GRIK2: variants seen among roughly 807,000 people sequenced by gnomAD.
GRIK2 encodes glutamate ionotropic receptor kainate type subunit 2.
In GRIK2, 32 loss-of-function variants were observed where a neutral mutation model predicts 100.3. The ratio of observed to expected loss-of-function variants is 0.32; its 90% CI spans 0.24 to 0.43. GRIK2 has a LOEUF of 0.43. GRIK2 is among the 20% of genes least tolerant of loss of function. The pLI is 1.00. For missense variants in GRIK2, 843 were observed against 1,114.9 expected (o/e 0.76, Z 3.47); for synonymous variants, 417 against 389.4 (o/e 1.07, Z -0.83).
At position 101,944,739 on chromosome 6, in the gene GRIK2, TATC is replaced by T. The variant is rs1160644415; in HGVS notation, c.2085+16110_2085+16112del. Among the ~76,000 whole-genome samples, 4 of 152,214 alleles carry T rather than the reference TATC, an allele frequency of 2.6e-5. No individual in the cohort carries two copies. In the East Asian group the frequency reaches 5.8e-4, roughly 22 times the overall value. On this transcript the variant is annotated intron_variant, in intron 14 of 16. Transcript: ENST00000369134. ...GTAATAATTCATTATAATAGGAAAT[TATC>T]ATAATAAAGGTCAATAAAAGTGATT...
intron 2 of GRIK2, among the ~76,000 whole-genome samples, chr6:101,590,908 G>A (rs918106113): frequency 6.6e-6 from 1 of 151,924 alleles, no homozygotes; most frequent in African/African-American, 2.4e-5. Flanking sequence ...TGTGGTTTGT[G>A]TCTCTTCCCT....
chr6:101,456,424 G>C (rs1481694116), intron 2 of GRIK2, among the ~76,000 whole-genome samples: 1 of 151,928 alleles, frequency 6.6e-6, no homozygotes, highest in Non-Finnish European at 1.5e-5. Context: ...AGTGAGGAGA[G>C]GAGGGCCATG....
At chr6:101,715,649 G>A (rs1309775966) in intron 7 of GRIK2, among the ~76,000 whole-genome samples, 3 of 151,762 alleles carry the variant, frequency 2.0e-5, no homozygotes, top group African/African-American at 4.8e-5. Flanking sequence ...TTTTATGGCA[G>A]TCTTCATTAA....
intron 2 of GRIK2, among the ~76,000 whole-genome samples, chr6:101,496,518 A>G (rs1052604258): frequency 6.6e-6 from 1 of 152,222 alleles, no homozygotes; most frequent in Non-Finnish European, 1.5e-5. Flanking sequence ...TATAGATTGC[A>G]CAAACACTAT....
At chr6:101,436,994 A>T (rs1434359291) in intron 2 of GRIK2, among the ~76,000 whole-genome samples, 5 of 151,178 alleles carry the variant, frequency 3.3e-5, no homozygotes, top group African/African-American at 1.2e-4. Flanking sequence ...CATGAATTTT[A>T]AAAATAATTT....
chr6:102,060,130 T>C (rs1240453176), intron 16 of GRIK2, among the ~76,000 whole-genome samples: 1 of 150,864 alleles, frequency 6.6e-6, no homozygotes, highest in Non-Finnish European at 1.5e-5. Context: ...GGTATTGTTG[T>C]TTTTTTAGGA....
At chr6:101,943,969 T>C (rs1345194804) in intron 14 of GRIK2, among the ~76,000 whole-genome samples, 3 of 152,112 alleles carry the variant, frequency 2.0e-5, no homozygotes, top group Admixed American at 6.6e-5. Flanking sequence ...CCAAATCTCA[T>C]GTAGAGTTGT....
chr6:101,424,415 T>C (rs975747279), intron 2 of GRIK2, among the ~76,000 whole-genome samples: 1 of 149,864 alleles, frequency 6.7e-6, no homozygotes, highest in Non-Finnish European at 1.5e-5. Context: ...TGAGAACATG[T>C]GGTGTTTGGT....
chr6:101,738,674 GC>G (rs1279053332), intron 7 of GRIK2, among the ~76,000 whole-genome samples: 2 of 151,964 alleles, frequency 1.3e-5, no homozygotes, highest in Non-Finnish European at 2.9e-5. Flanking sequence ...CTCAACCTTG[GC>G]ACTACTGACA....
chr6:101,826,481 T>A (rs967364475), intron 10 of GRIK2, among the ~76,000 whole-genome samples: 1 of 152,010 alleles, frequency 6.6e-6, no homozygotes, highest in South Asian at 2.1e-4. Context: ...CAAGTATGTA[T>A]GGAGATGTTG....
intron 14 of GRIK2, among the ~76,000 whole-genome samples, chr6:101,960,727 A>G (rs1231128738): frequency 6.6e-6 from 1 of 152,166 alleles, no homozygotes; most frequent in Non-Finnish European, 1.5e-5. Context: ...GACTGAGGTT[A>G]TGGAAGTCTC....
At chr6:101,972,347 T>A (rs66818070) in intron 14 of GRIK2, among the ~76,000 whole-genome samples, 54,873 of 151,916 alleles carry the variant, frequency 0.36, 10,617 homozygotes, top group South Asian at 0.46. Flanking sequence ...ATTTCTCTGA[T>A]GACTAGTGGT....
At chr6:102,061,557 C>T (rs1429845582) in intron 16 of GRIK2, among the ~76,000 whole-genome samples, 1 of 150,276 alleles carries the variant, frequency 6.7e-6, no homozygotes, top group Non-Finnish European at 1.5e-5. Context: ...TCATAAGCAG[C>T]CTAATAATTT....
chr6:101,753,180 G>C (rs1340233645), intron 7 of GRIK2, among the ~76,000 whole-genome samples: 1 of 151,760 alleles, frequency 6.6e-6, no homozygotes, highest in Non-Finnish European at 1.5e-5. Context: ...TACTTGGAGA[G>C]GCTGAGGCAG....
chr6:101,500,871 G>A (rs1392133533), intron 2 of GRIK2, among the ~76,000 whole-genome samples: 3 of 151,958 alleles, frequency 2.0e-5, no homozygotes, highest in Non-Finnish European at 4.4e-5. Flanking sequence ...CAAGGTTTTA[G>A]TATAAATGAA....
At chr6:101,858,386 C>CTTTTTTTTTTTTTT (rs780526806) in intron 10 of GRIK2, among the ~76,000 whole-genome samples, 8 of 91,664 alleles carry the variant, frequency 8.7e-5, no homozygotes, top group African/African-American at 1.5e-4. Flanking sequence ...ATTTTTTTTT[C>CTTTTTTTTTTTTTT]TTTTTTTTTT....
intron 7 of GRIK2, among the ~76,000 whole-genome samples, chr6:101,727,771 A>G (rs554464557): frequency 6.6e-6 from 1 of 152,110 alleles, no homozygotes; most frequent in Non-Finnish European, 1.5e-5. Context: ...AGTTAAGGGG[A>G]AAATGGCCAT....
At chr6:101,542,981 T>A (rs999959920) in intron 2 of GRIK2, among the ~76,000 whole-genome samples, 3 of 152,146 alleles carry the variant, frequency 2.0e-5, no homozygotes, top group Admixed American at 2.0e-4. Context: ...GATAATGACA[T>A]ATATGTTAAG....
chr6:101,911,747 A>C (rs1788706014), intron 12 of GRIK2, among the ~76,000 whole-genome samples: 1 of 151,458 alleles, frequency 6.6e-6, no homozygotes, highest in Non-Finnish European at 1.5e-5. Context: ...AGTAAAAATA[A>C]CTTGAGAACA....
Sources: allele counts gnomAD v4.1 joint callset (sites outside exome capture counted in the v4.1 genomes callset), GRCh38; gene constraint gnomAD v4.1.1; transcripts MANE v1.5; gene names NCBI Gene and HGNC (gene_info 2026-07-23, HGNC 2026-07-21).